SERPINB13: variants seen among roughly 807,000 people sequenced by gnomAD.
SERPINB13 encodes serpin family B member 13.
Under a neutral mutation model 31.2 loss-of-function variants are expected in SERPINB13, and 26 were observed. The ratio of observed to expected loss-of-function variants is 0.83; its 90% CI spans 0.61 to 1.15. SERPINB13 has a LOEUF of 1.15. Ranked by LOEUF, SERPINB13 falls within the 50% of genes most tolerant of loss-of-function variation. The pLI, the probability that SERPINB13 is intolerant of heterozygous loss-of-function variation, is 0.00. For synonymous variants in SERPINB13, 191 were observed against 172.4 expected, an observed-to-expected ratio of 1.11 and a Z score of -0.85; for missense variants, 510 against 469.4, an observed-to-expected ratio of 1.09 and a Z score of -0.80.
At chr18:63,590,693 T>A (rs951298448) in intron 3 of SERPINB13, among the ~76,000 whole-genome samples, 1 of 152,212 alleles carries the variant, frequency 6.6e-6, no homozygotes, top group African/African-American at 2.4e-5. Context: ...GCCCTACTCC[T>A]ATGTGAAGGG....
At chr18:63,590,012 T>C in intron 3 of SERPINB13, 1 of 340,468 alleles carries the variant, frequency 2.9e-6, no homozygotes, top group Non-Finnish European at 5.0e-6. Context: ...GTGGATGGGT[T>C]TTGGAGTTAA....
chr18:63,597,153 C>G lies in SERPINB13; in HGVS notation c.966C>G (p.Gly322=). ...CCGACTACTCGGGAATGTCGTCAGGCTCCGGGTTGTACGCCCAGAAGTTCC... is the reference window on the plus strand; with the variant it reads ...CCGACTACTCGGGAATGTCGTCAGGGTCCGGGTTGTACGCCCAGAAGTTCC... ...HKADYSGMSS[G]SGLYAQKFLH... is the part of the protein sequence containing the mutation. Residue 322 remains glycine, a synonymous_variant, in exon 8 of 8, where the codon GGC becomes GGG. Coordinates refer to ENST00000344731, the MANE Select transcript of SERPINB13 (RefSeq NM_012397.4). 11 of 1,614,216 alleles carry G rather than the reference C, an allele frequency of 6.8e-6. No individual in the cohort carries two copies. The highest frequency in any genetic ancestry group is 9.3e-6 in the Non-Finnish European group (11 of 1,180,040).
chr18:63,589,662 C>A lies in SERPINB13; in HGVS notation c.172C>A (p.His58Asn). 1 of 1,613,654 alleles carries A rather than the reference C, an allele frequency of 6.2e-7. No homozygotes were observed. ...ATASQLEEVF[H>N]SEKETKSSRI... ...TATTTTCTATCTCTTCCAGGTGTTT[C>A]ACTCTGAAAAAGAGACGAAGAGCTC... The change falls in exon 3 of 8, where the codon CAC becomes AAC. Residue 58 changes from histidine to asparagine, a missense_variant. Physicochemically the swap from His to Asn is moderately conservative, Grantham distance 68. Coordinates refer to ENST00000344731, the MANE Select transcript of SERPINB13 (RefSeq NM_012397.4).
chr18:63,589,551 T>C (rs531783386), intron 2 of SERPINB13, 105 bp from the exon 3 acceptor site: 1 of 1,412,242 alleles, frequency 7.1e-7, no homozygotes, highest in South Asian at 1.4e-5. Context: ...TGTCACCTCA[T>C]ATACCACCGA....
chr18:63,590,172 T>C (rs1165422785), intron 3 of SERPINB13, among the ~76,000 whole-genome samples: 1 of 152,160 alleles, frequency 6.6e-6, no homozygotes, highest in Non-Finnish European at 1.5e-5. Flanking sequence ...GTAGGTGATA[T>C]TATTGCTAAA....
In SERPINB13 at chr18:63,589,451, T is replaced by TCACACACACA. The variant is rs112829867; in HGVS notation, c.166-175_166-166dup. On this transcript the variant is annotated intron_variant, in intron 2 of 7. Transcript: ENST00000344731. The stretch of plus-strand genomic sequence containing the variant: ...ACCTGGCCAAAAGAGCAAAACTCCA[T>TCACACACACA]CACACACACACACACACACACACAC... 7.4e-3 allele frequency among the ~76,000 whole-genome samples: 825 copies of TCACACACACA among 111,978 alleles called. 8 individuals carry two copies. Among genetic ancestry groups the TCACACACACA allele is most frequent in the African/African-American group, 0.017 (622 of 35,706 alleles). 73.5% of individuals were successfully genotyped at this position (111,978 alleles called of 152,430 possible).
intron 4 of SERPINB13, 122 bp downstream of exon 4, chr18:63,592,598 C>T: frequency 1.0e-6 from 1 of 1,003,792 alleles, no homozygotes; most frequent in Non-Finnish European, 1.5e-6. Context: ...TGGTGCTTTT[C>T]CATCCTGATC....
At chr18:63,596,180 C>A (rs938775135) in intron 7 of SERPINB13, among the ~76,000 whole-genome samples, 1 of 152,098 alleles carries the variant, frequency 6.6e-6, no homozygotes, top group Non-Finnish European at 1.5e-5. Flanking sequence ...TAACTGCTAT[C>A]GTCTTATACT....
rs777570529 is a variant in SERPINB13 at position 63,597,342 on chromosome 18, C to T, written c.1155C>T (p.Phe385=). The change falls in exon 8 of 8, where the codon TTC becomes TTT. Residue 385 remains phenylalanine, a synonymous_variant. Coordinates refer to ENST00000344731, the MANE Select transcript of SERPINB13 (RefSeq NM_012397.4). ...RHNESNSILF[F]GRFSSP ...ATGAATCCAACAGCATCCTCTTCTTCGGCAGATTTTCTTCTCCTTAAGATG... is the reference window on the plus strand; with the variant it reads ...ATGAATCCAACAGCATCCTCTTCTTTGGCAGATTTTCTTCTCCTTAAGATG... The T allele has an allele frequency of 6.2e-6, 10 of 1,612,818 alleles. No individual in the cohort carries two copies. Among genetic ancestry groups the T allele is most frequent in the Middle Eastern group, 1.7e-4 (1 of 6,054 alleles).
chr18:63,589,947 T>C, intron 3 of SERPINB13: 1 of 772,888 alleles, frequency 1.3e-6, no homozygotes, highest in Non-Finnish European at 1.9e-6. Flanking sequence ...TAATGGACAA[T>C]ACCGCTATGA....
Position 63,588,645 on chromosome 18 carries a change from T to C in SERPINB13, c.-17-6T>C. On this transcript the variant is annotated splice_polypyrimidine_tract_variant and splice_region_variant and intron_variant, in intron 1 of 7. Transcript: ENST00000344731. ...TCAGTTTTGATTGTTGTTCTTGCTA[T>C]TCTAGGTCTCGCTAAAATCATCATG... is the stretch of plus-strand genomic sequence containing the variant. The C allele has an allele frequency of 1.2e-6, 2 of 1,613,828 alleles. No individual in the cohort carries two copies. Among genetic ancestry groups the C allele is most frequent in the Non-Finnish European group, 8.5e-7 (1 of 1,179,724 alleles).
chr18:63,590,026 G>A (rs1383519007), intron 3 of SERPINB13: 6 of 283,448 alleles, frequency 2.1e-5, no homozygotes, highest in Admixed American at 5.1e-5. Context: ...GAGTTAAACA[G>A]ACTTAGGTCC....
At chr18:63,596,335 A>C (rs1912165660) in intron 7 of SERPINB13, among the ~76,000 whole-genome samples, 1 of 152,252 alleles carries the variant, frequency 6.6e-6, no homozygotes, top group Admixed American at 6.5e-5. Flanking sequence ...TACTCTAAAG[A>C]AATAATGCAG....
intron 5 of SERPINB13, chr18:63,593,984 T>C: frequency 2.1e-6 from 1 of 485,844 alleles, no homozygotes; most frequent in Non-Finnish European, 4.2e-6. Context: ...CATTTGTTCC[T>C]TTCAACAACC....
chr18:63,596,092 G>A (rs1912151692), intron 7 of SERPINB13, among the ~76,000 whole-genome samples: 1 of 152,068 alleles, frequency 6.6e-6, no homozygotes, highest in Non-Finnish European at 1.5e-5. Flanking sequence ...CTCCATGGTG[G>A]TTAACGTGCA....
intron 4 of SERPINB13, 125 bp from the exon 5 acceptor site, chr18:63,592,729 A>G: frequency 1.4e-6 from 1 of 738,770 alleles, no homozygotes; most frequent in Non-Finnish European, 2.2e-6. Context: ...TGAGATGCCC[A>G]GGGCCTTAAA....
In SERPINB13 at chr18:63,588,892, T is replaced by G. The variant is rs972848389; in HGVS notation, c.165+60T>G. 1.2e-5 allele frequency: 18 copies of G among 1,543,296 alleles called. No homozygotes were observed. In the African/African-American group the frequency reaches 1.5e-4, roughly 13 times the overall value. Reference sequence around the variant, plus strand: ...TGCACAAATTCATTTGGCGGGGGGGTTGTCAGCCCTCTTGCATTATCTTAA... The same window carrying G: ...TGCACAAATTCATTTGGCGGGGGGGGTGTCAGCCCTCTTGCATTATCTTAA... On this transcript the variant is annotated intron_variant, in intron 2 of 7. Coordinates refer to ENST00000344731, the MANE Select transcript of SERPINB13 (RefSeq NM_012397.4).
At chr18:63,588,870 A>G in intron 2 of SERPINB13, 38 bp downstream of exon 2, 1 of 1,538,880 alleles carries the variant, frequency 6.5e-7, no homozygotes, top group Non-Finnish European at 8.7e-7. Flanking sequence ...TTTCCTATGC[A>G]CAAATTCATT....
At position 63,592,437 on chromosome 18, in the gene SERPINB13, C is replaced by CA; in HGVS notation, c.317dup (p.Asn106LysfsTer20). ...CTAATGATTATGAACTGAACATAAC[C>CA]AACAGGCTGTTTGGAGAAAAAACAT... is the stretch of plus-strand genomic sequence containing the variant. On this transcript the variant is annotated frameshift_variant, in exon 4 of 8. Transcript: ENST00000344731. LOFTEE classifies it high-confidence loss of function. 6.2e-7 allele frequency: 1 copy of CA among 1,613,200 alleles called. No homozygotes were observed. Among genetic ancestry groups the CA allele is most frequent in the Non-Finnish European group, 8.5e-7 (1 of 1,179,626 alleles).
Sources: gnomAD v4.1 joint callset for allele counts (sites outside exome capture counted in the v4.1 genomes callset) on GRCh38, gnomAD v4.1.1 for gene constraint, MANE v1.5 for transcripts, NCBI Gene and HGNC (gene_info 2026-07-23, HGNC 2026-07-21) for gene names.